DGKD: variants seen among roughly 807,000 people sequenced by gnomAD.
DGKD encodes diacylglycerol kinase delta.
DGKD carries 68 observed loss-of-function variants against 154.4 expected under a neutral mutation model. That is an observed-to-expected ratio of 0.44 (90% confidence interval 0.36 to 0.54). The LOEUF is 0.54. Ranked by LOEUF, DGKD falls within the 20% of genes least tolerant of loss-of-function variation. The probability of loss-of-function intolerance (pLI) is 0.00; values close to 1 mark genes in which losing one functional copy is unlikely to be tolerated. For synonymous variants in DGKD, 693 were observed against 638.0 expected (o/e 1.09, Z -1.30); for missense variants, 1,343 against 1,593.6 (o/e 0.84, Z 2.68).
intron 3 of DGKD, among the ~76,000 whole-genome samples, chr2:233,417,775 G>T (rs752314775): frequency 6.6e-6 from 1 of 152,302 alleles, no homozygotes; most frequent in Admixed American, 6.5e-5. Context: ...AGGCAGTGGG[G>T]GAGGTGAGAT....
In DGKD at chr2:233,462,434, T is replaced by G; in HGVS notation, c.3068T>G (p.Val1023Gly). 6.2e-7 allele frequency: 1 copy of G among 1,600,674 alleles called. No individual in the cohort carries two copies. The highest frequency in any genetic ancestry group is 8.5e-7 in the Non-Finnish European group (1 of 1,169,602). ...GCCAGCTCCAAGTCCATGGACCGTGTGTATGGCAAGCCCAGAACCACAGAG... is the reference window on the plus strand; with the variant it reads ...GCCAGCTCCAAGTCCATGGACCGTGGGTATGGCAAGCCCAGAACCACAGAG... ...VNASSKSMDR[V>G]YGKPRTTEGL... The change falls in exon 25 of 30, where the codon GTG becomes GGG. Residue 1023 changes from valine to glycine, a missense_variant. Val to Gly is a moderately radical substitution (Grantham distance 109, BLOSUM62 -3). Coordinates refer to ENST00000264057, the MANE Select transcript of DGKD (RefSeq NM_152879.3).
Position 233,459,982 on chromosome 2 carries a change from T to G in DGKD, c.2829+91T>G. ...TGTTAAGAGCTGGAGCTTTTTGTGT[T>G]TTGTTCTAGGATTTTTTTTTTTTTT... On this transcript the variant is annotated intron_variant, in intron 23 of 29. Coordinates refer to ENST00000264057, the MANE Select transcript of DGKD (RefSeq NM_152879.3). This position sits in a 1 kb window ranked among gnomAD's most constrained non-coding sequence, Gnocchi z 5.7. 1.3e-6 allele frequency: 2 copies of G among 1,486,258 alleles called. No individual in the cohort carries two copies. The highest frequency in any genetic ancestry group is 1.4e-5 in the South Asian group (1 of 71,610). The allele number at this position is 1,486,258 out of a possible 1,614,324, so 92.1% of individuals were successfully genotyped here. A position where few individuals can be genotyped will look rare whatever the true frequency, so the allele number is the denominator to read the frequency against.
chr2:233,430,739 A>AT (rs917508483), intron 3 of DGKD, among the ~76,000 whole-genome samples: 2 of 152,218 alleles, frequency 1.3e-5, no homozygotes, highest in African/African-American at 4.8e-5. Context: ...TACACTATCA[A>AT]TTTTTTCTCT....
chr2:233,457,425 C>T lies in DGKD; in HGVS notation c.2580+97C>T, dbSNP rs573293801. 1.1e-5 allele frequency: 10 copies of T among 930,052 alleles called. No homozygotes were observed. Among genetic ancestry groups the T allele is most frequent in the South Asian group, 7.9e-5 (6 of 76,220 alleles). 57.6% of individuals were successfully genotyped at this position (930,052 alleles called of 1,614,324 possible). A position where few individuals can be genotyped will look rare whatever the true frequency, so the allele number is the denominator to read the frequency against. On this transcript the variant is annotated intron_variant, in intron 21 of 29. Coordinates refer to ENST00000264057, the MANE Select transcript of DGKD (RefSeq NM_152879.3). The surrounding 1 kb of genome is among the most constrained non-coding windows in gnomAD (Gnocchi z 5.5). ...TGCTGTGGCTGGGGTGGATCCAGCT[C>T]TTCTGTTGTGCCAGCAGTGGGGTTG... is the stretch of plus-strand genomic sequence containing the variant.
At chr2:233,464,415 C>T (rs991569699) in intron 27 of DGKD, 132 bp downstream of exon 27, 6 of 1,125,604 alleles carry the variant, frequency 5.3e-6, no homozygotes, top group African/African-American at 3.1e-5. Flanking sequence ...GAGGGGCCTT[C>T]TCCAGACTTC....
chr2:233,358,218 A>G (rs1179972440), intron 1 of DGKD, among the ~76,000 whole-genome samples: 3 of 152,232 alleles, frequency 2.0e-5, no homozygotes, highest in South Asian at 4.1e-4. Flanking sequence ...TCACCAGCAC[A>G]TTATAAGGTA....
chr2:233,447,527 T>A lies in DGKD; in HGVS notation c.1420-560T>A, dbSNP rs113387946. The A allele has an allele frequency of 9.7e-4, 945 of 969,388 alleles. 1 individual carries two copies. The highest frequency in any genetic ancestry group is 1.7e-3 in the Admixed American group (27 of 16,158). 60.0% of individuals were successfully genotyped at this position (969,388 alleles called of 1,614,324 possible). Reference sequence around the variant, plus strand: ...TATTTTTCCTTTTTTTAAAAAAAAATTTTTTTTTTGAGAGGAAGAGTGTGT... The same window carrying A: ...TATTTTTCCTTTTTTTAAAAAAAAAATTTTTTTTTGAGAGGAAGAGTGTGT... On this transcript the variant is annotated intron_variant, in intron 12 of 29. Coordinates refer to ENST00000264057, the MANE Select transcript of DGKD (RefSeq NM_152879.3).
At chr2:233,412,336 G>A (rs901474235) in intron 3 of DGKD, among the ~76,000 whole-genome samples, 7 of 151,728 alleles carry the variant, frequency 4.6e-5, no homozygotes, top group Middle Eastern at 3.2e-3. Context: ...TGTCTTTAAC[G>A]TCTTTTGTTA....
At chr2:233,405,374 T>A (rs2061658930) in intron 3 of DGKD, among the ~76,000 whole-genome samples, 1 of 152,022 alleles carries the variant, frequency 6.6e-6, no homozygotes, top group Non-Finnish European at 1.5e-5. Context: ...CAAAATTAGC[T>A]GGGTGTGTTG....
chr2:233,443,234 A>T (rs553990930), intron 10 of DGKD, among the ~76,000 whole-genome samples: 37 of 152,236 alleles, frequency 2.4e-4, no homozygotes, highest in African/African-American at 8.9e-4. Flanking sequence ...AAAATGTCTG[A>T]CCTTTACTTC....
At position 233,390,630 on chromosome 2, in the gene DGKD, A is replaced by C. The variant is rs1703537025; in HGVS notation, c.348+147A>C. On this transcript the variant is annotated intron_variant, in intron 3 of 29. Transcript: ENST00000264057. The stretch of plus-strand genomic sequence containing the variant: ...CTGGTAAAATTTGAATTTAATGCTG[A>C]AAGTAATACTGTGGTTGGAGAATAA... 4 of 641,802 alleles carry C rather than the reference A, an allele frequency of 6.2e-6. No individual in the cohort carries two copies. The East Asian group carries it at 1.1e-4, about 18-fold the overall frequency. The allele number at this position is 641,802 out of a possible 1,614,324, so 39.8% of individuals were successfully genotyped here.
intron 3 of DGKD, among the ~76,000 whole-genome samples, chr2:233,424,399 T>C (rs183141950): frequency 7.0e-4 from 107 of 152,352 alleles, no homozygotes; most frequent in Middle Eastern, 3.4e-3. Context: ...TTTCTCCACC[T>C]TCTATTTTGA....
intron 1 of DGKD, among the ~76,000 whole-genome samples, chr2:233,361,855 G>C (rs952901338): frequency 2.0e-5 from 3 of 152,122 alleles, no homozygotes; most frequent in Admixed American, 2.0e-4. Context: ...TAGTGCAGTG[G>C]CATGATCTCA....
intron 12 of DGKD, 49 bp downstream of exon 12, chr2:233,446,845 G>A: frequency 6.2e-7 from 1 of 1,601,494 alleles, no homozygotes; most frequent in Non-Finnish European, 8.5e-7. Context: ...GATGTGATCA[G>A]AACTGTCCTG....
Position 233,462,761 on chromosome 2 carries a change from G to A in DGKD, c.3186+26G>A, listed in dbSNP as rs767942481. ...GTAAGCTGGTGCCCCAGGGACAGCA[G>A]GGCTCGGGCTGTGTGTGAAACGACT... On this transcript the variant is annotated intron_variant, in intron 26 of 29. Coordinates refer to ENST00000264057, the MANE Select transcript of DGKD (RefSeq NM_152879.3). 2.5e-6 allele frequency: 4 copies of A among 1,600,504 alleles called. No homozygotes were observed. The East Asian group carries it at 8.9e-5, about 36-fold the overall frequency.
chr2:233,446,664 G>T (rs367703616), intron 11 of DGKD, 48 bp from the exon 12 acceptor site: 1 of 1,594,188 alleles, frequency 6.3e-7, no homozygotes, highest in Non-Finnish European at 8.6e-7. Flanking sequence ...GTTCACCCTT[G>T]TGGGCCTGCA....
intron 14 of DGKD, 60 bp downstream of exon 14, chr2:233,448,435 C>T (rs1341269323): frequency 1.5e-5 from 23 of 1,500,576 alleles, no homozygotes; most frequent in Non-Finnish European, 2.0e-5. Flanking sequence ...TGCTCTGTCA[C>T]CAGCAGAGGG....
At chr2:233,407,411 A>G (rs1409367557) in intron 3 of DGKD, among the ~76,000 whole-genome samples, 1 of 152,228 alleles carries the variant, frequency 6.6e-6, no homozygotes, top group Non-Finnish European at 1.5e-5. Context: ...AACATATAAG[A>G]TGCCTTTAAT....
rs973366273 is a variant in DGKD, at chr2:233,471,066, T to A, written c.*1606T>A. 1 of 152,442 alleles carries A rather than the reference T, an allele frequency of 6.6e-6. No homozygotes were observed. Among genetic ancestry groups the A allele is most frequent in the Non-Finnish European group, 1.5e-5 (1 of 68,202 alleles). 9.4% of individuals were successfully genotyped at this position (152,442 alleles called of 1,614,324 possible). A position where few individuals can be genotyped will look rare whatever the true frequency, so the allele number is the denominator to read the frequency against. On this transcript the variant is annotated 3_prime_UTR_variant, in exon 30 of 30. Transcript: ENST00000264057. ...TCCCACTCACAGCCCCTCTGTCCCC[T>A]CTGCAGTGCACCCAGGTGGGCCCCT...
Sources: allele counts gnomAD v4.1 joint callset (sites outside exome capture counted in the v4.1 genomes callset), GRCh38; gene constraint gnomAD v4.1.1; non-coding constraint Gnocchi (gnomAD v3.1); transcripts MANE v1.5; gene names NCBI Gene and HGNC (gene_info 2026-07-23, HGNC 2026-07-21).